The following HTR7 variants were observed in gnomAD, a reference collection of about 807,000 sequenced individuals.
The protein encoded by HTR7 is 5-hydroxytryptamine receptor 7, also known as 5-HT-7.
HTR7 carries 16 observed loss-of-function variants against 34.0 expected under a neutral mutation model. The ratio of observed to expected loss-of-function variants is 0.47; its 90% CI spans 0.32 to 0.71. The LOEUF (loss-of-function observed/expected upper bound fraction) is 0.71. HTR7 is among the 30% of genes least tolerant of loss of function. The pLI, the probability that HTR7 is intolerant of heterozygous loss-of-function variation, is 0.04. For missense variants in HTR7, 504 were observed against 625.5 expected, an observed-to-expected ratio of 0.81 and a Z score of 2.07; for synonymous variants, 265 against 260.2, an observed-to-expected ratio of 1.02 and a Z score of -0.18.
intron 1 of HTR7, among the ~76,000 whole-genome samples, chr10:90,811,740 C>T (rs568745980): frequency 6.6e-6 from 1 of 152,222 alleles, no homozygotes; most frequent in Admixed American, 6.5e-5. Flanking sequence ...ATTAGCTTTA[C>T]TCAACATGCC....
intron 1 of HTR7, among the ~76,000 whole-genome samples, chr10:90,783,313 C>G (rs1845335363): frequency 6.6e-6 from 1 of 152,142 alleles, no homozygotes; most frequent in African/African-American, 2.4e-5. Flanking sequence ...GCAAATTTTC[C>G]TCCCCTGGGT....
chr10:90,759,399 T>A (rs979531122), intron 1 of HTR7, among the ~76,000 whole-genome samples: 5 of 151,720 alleles, frequency 3.3e-5, no homozygotes, highest in African/African-American at 1.2e-4. Flanking sequence ...CTCACGCCTG[T>A]AATCCCAGCA....
Position 90,749,002 on chromosome 10 carries a change from G to A in HTR7, c.1132C>T (p.Leu378Phe), listed in dbSNP as rs373458713. 13 of 1,613,984 alleles carry A rather than the reference G, an allele frequency of 8.1e-6. No homozygotes were observed. In the African/African-American group the frequency reaches 1.7e-4, roughly 22 times the overall value. ...TFLWLGYANS[L>F]INPFIYAFFN... is the part of the protein sequence containing the mutation. ...AAGGCATATATAAAAGGGTTAATGA[G>A]AGAGTTTGCATAGCCTAGCCACAGA... The change falls in exon 2 of 4, where the codon CTC becomes TTC. Residue 378 changes from leucine (L) to phenylalanine (F), a missense_variant. This residue lies in a region of HTR7 where 154 missense variants were observed against 212.1 expected (regional missense o/e 0.73). Coordinates refer to ENST00000336152, the MANE Select transcript of HTR7 (RefSeq NM_019859.4). The surrounding 1 kb of genome is among the most constrained non-coding windows in gnomAD (Gnocchi z 4.2).
chr10:90,767,491 A>C (rs1845042307), intron 1 of HTR7, among the ~76,000 whole-genome samples: 1 of 152,124 alleles, frequency 6.6e-6, no homozygotes, highest in African/African-American at 2.4e-5. Flanking sequence ...TAACGGTATA[A>C]TCTCCCAATG....
At chr10:90,844,495 G>C (rs1295427956) in intron 1 of HTR7, among the ~76,000 whole-genome samples, 1 of 151,886 alleles carries the variant, frequency 6.6e-6, no homozygotes, top group Non-Finnish European at 1.5e-5. Context: ...GGAGGCAGAG[G>C]CAGGCGGATC....
rs181816697 is a variant in HTR7, at chr10:90,834,698, T to C, written c.539+22435A>G. Among the ~76,000 whole-genome samples the C allele has an allele frequency of 3.6e-3, 544 of 152,272 alleles. 6 individuals carry two copies. Among genetic ancestry groups the C allele is most frequent in the Admixed American group, 0.031 (477 of 15,288 alleles). On this transcript the variant is annotated intron_variant, in intron 1 of 3. Transcript: ENST00000336152. The stretch of plus-strand genomic sequence containing the variant: ...CTCTCATTGTCCAATGAGGGCTTCT[T>C]CACATGGTAGCTAGCAGTCACAGGG...
intron 1 of HTR7, among the ~76,000 whole-genome samples, chr10:90,815,125 T>G (rs1209948222): frequency 6.6e-6 from 1 of 151,816 alleles, no homozygotes; most frequent in Non-Finnish European, 1.5e-5. Flanking sequence ...GTAGTCTCAC[T>G]CTGTTGCCCA....
chr10:90,797,027 C>A (rs533211271), intron 1 of HTR7, among the ~76,000 whole-genome samples: 65 of 149,718 alleles, frequency 4.3e-4, no homozygotes, highest in Middle Eastern at 3.4e-3. Flanking sequence ...AAAAAAAAAA[C>A]CGACAAATTT....
At chr10:90,845,140 C>T (rs865945265) in intron 1 of HTR7, among the ~76,000 whole-genome samples, 11 of 152,272 alleles carry the variant, frequency 7.2e-5, no homozygotes, top group South Asian at 2.1e-4. Context: ...AAAAACGATA[C>T]TCAAATGTCT....
At chr10:90,834,466 T>C (rs1196847347) in intron 1 of HTR7, among the ~76,000 whole-genome samples, 1 of 152,194 alleles carries the variant, frequency 6.6e-6, no homozygotes. Context: ...CCTTGCGGCT[T>C]AAACCACAGC....
At chr10:90,843,298 T>C (rs1252242142) in intron 1 of HTR7, among the ~76,000 whole-genome samples, 1 of 152,222 alleles carries the variant, frequency 6.6e-6, no homozygotes, top group Non-Finnish European at 1.5e-5. Context: ...AAGATAAGCC[T>C]GGGTCATGCT....
At chr10:90,815,084 GTT>G (rs60659958) in intron 1 of HTR7, among the ~76,000 whole-genome samples, 5 of 145,002 alleles carry the variant, frequency 3.4e-5, no homozygotes, top group African/African-American at 1.0e-4. Context: ...TTTTTTTTTT[GTT>G]TTTTTTTTTG....
rs762274693 is a variant in HTR7 at position 90,743,633 on chromosome 10, C to A, written c.1353G>T (p.Val451=). 6.2e-7 allele frequency: 1 copy of A among 1,614,064 alleles called. No individual in the cohort carries two copies. The highest frequency in any genetic ancestry group is 1.7e-5 in the Admixed American group (1 of 60,010). The stretch of plus-strand genomic sequence containing the variant: ...GATGGTCTGGAGATTGTAGCACCCA[C>A]ACAGATACCGGTGGCCTCTTTTCTG... The part of the protein sequence containing the change: ...LRPEKRPPVS[V]WVLQSPDHHN... The change falls in exon 3 of 4, where the codon GTG becomes GTT. Residue 451 remains valine (V), a synonymous_variant. Transcript: ENST00000336152.
chr10:90,760,543 T>C (rs1788998575), intron 1 of HTR7, among the ~76,000 whole-genome samples: 1 of 152,186 alleles, frequency 6.6e-6, no homozygotes, highest in South Asian at 2.1e-4. Flanking sequence ...ATTATGGATA[T>C]GTTAATTACC....
At chr10:90,844,138 C>G (rs1846373381) in intron 1 of HTR7, among the ~76,000 whole-genome samples, 1 of 152,142 alleles carries the variant, frequency 6.6e-6, no homozygotes, top group Admixed American at 6.5e-5. Context: ...TTGGCAGAGG[C>G]CAGATCATAT....
At chr10:90,764,940 T>C (rs927847059) in intron 1 of HTR7, among the ~76,000 whole-genome samples, 4 of 152,186 alleles carry the variant, frequency 2.6e-5, no homozygotes, top group African/African-American at 9.7e-5. Flanking sequence ...ATTAATATTA[T>C]GCTGAGGATT....
chr10:90,744,679 GAC>G (rs1844607343), intron 2 of HTR7, among the ~76,000 whole-genome samples: 1 of 152,074 alleles, frequency 6.6e-6, no homozygotes, highest in African/African-American at 2.4e-5. Context: ...CCAGACTTGT[GAC>G]AACCAAAAAT....
At chr10:90,769,046 A>G (rs1845067379) in intron 1 of HTR7, among the ~76,000 whole-genome samples, 1 of 152,208 alleles carries the variant, frequency 6.6e-6, no homozygotes, top group Admixed American at 6.5e-5. Flanking sequence ...ACGTTCCAAA[A>G]AAAATCCTGC....
intron 1 of HTR7, among the ~76,000 whole-genome samples, chr10:90,776,670 G>A (rs1254694427): frequency 6.6e-6 from 1 of 152,180 alleles, no homozygotes; most frequent in East Asian, 1.9e-4. Flanking sequence ...GAAAATATCA[G>A]ATTAAGAGTA....
Sources: gnomAD v4.1 joint callset for allele counts (sites outside exome capture counted in the v4.1 genomes callset) on GRCh38, gnomAD v4.1.1 for gene constraint, gnomAD v4.1.1 regional missense constraint, Gnocchi (gnomAD v3.1) non-coding constraint, MANE v1.5 for transcripts, NCBI Gene and HGNC (gene_info 2026-07-23, HGNC 2026-07-21) for gene names.